The following RBFOX1 variants were observed in gnomAD, a reference collection of about 807,000 sequenced individuals.
RBFOX1 encodes RNA binding protein fox-1 homolog 1.
A neutral mutation model predicts 57.7 loss-of-function variants in RBFOX1; 8 were observed. The ratio of observed to expected loss-of-function variants is 0.14; its 90% CI spans 0.08 to 0.25. RBFOX1 has a LOEUF of 0.25. Ranked by LOEUF, RBFOX1 falls within the 10% of genes least tolerant of loss-of-function variation. The pLI is 1.00. For synonymous variants in RBFOX1, 326 were observed against 222.4 expected, an observed-to-expected ratio of 1.47 and a Z score of -4.15; for missense variants, 611 against 548.5, an observed-to-expected ratio of 1.11 and a Z score of -1.14.
intron 4 of RBFOX1, among the ~76,000 whole-genome samples, chr16:7,068,430 A>C (rs199968860): frequency 6.6e-6 from 1 of 152,302 alleles, no homozygotes; most frequent in Non-Finnish European, 1.5e-5. Context: ...CAGGGTGGCC[A>C]TTGGCCCAGG....
chr16:5,879,950 C>T (rs1302907748), intron 4 of RBFOX1, among the ~76,000 whole-genome samples: 2 of 152,194 alleles, frequency 1.3e-5, no homozygotes, highest in East Asian at 1.9e-4. Context: ...CCAGCTAGAA[C>T]GTATCTCAGG....
intron 3 of RBFOX1, among the ~76,000 whole-genome samples, chr16:6,773,648 G>T (rs1241912459): frequency 8.2e-6 from 1 of 122,498 alleles, no homozygotes; most frequent in Non-Finnish European, 1.7e-5. Flanking sequence ...GTATGTGTGG[G>T]TGTGGGGTCT....
intron 4 of RBFOX1, among the ~76,000 whole-genome samples, chr16:7,359,809 C>A (rs879501533): frequency 1.1e-4 from 16 of 151,990 alleles, no homozygotes; most frequent in Admixed American, 2.6e-4. Flanking sequence ...ATGGTGAAAC[C>A]CCGTCTCTAC....
chr16:6,575,917 G>T (rs1412983914), intron 2 of RBFOX1, among the ~76,000 whole-genome samples: 2 of 150,980 alleles, frequency 1.3e-5, no homozygotes, highest in Non-Finnish European at 2.9e-5. Flanking sequence ...AAACATGCAA[G>T]ATAATTTAGC....
intron 3 of RBFOX1, among the ~76,000 whole-genome samples, chr16:6,951,059 C>G (rs919995009): frequency 2.6e-5 from 4 of 152,080 alleles, no homozygotes; most frequent in Non-Finnish European, 5.9e-5. Context: ...GCACGTATCA[C>G]CATGCCCAGC....
chr16:6,056,300 C>G (rs894272375), intron 1 of RBFOX1, among the ~76,000 whole-genome samples: 1 of 152,148 alleles, frequency 6.6e-6, no homozygotes, highest in African/African-American at 2.4e-5. Flanking sequence ...ACGATATTGT[C>G]TTTCAAGTGA....
intron 4 of RBFOX1, among the ~76,000 whole-genome samples, chr16:6,013,856 G>A (rs978180149): frequency 1.3e-5 from 2 of 150,468 alleles, no homozygotes; most frequent in African/African-American, 4.9e-5. Flanking sequence ...GCAAACTATG[G>A]CAAGGAAAAA....
chr16:6,864,995 C>CTTTTTTTTTTTT (rs34341448), intron 3 of RBFOX1, among the ~76,000 whole-genome samples: 1 of 82,562 alleles, frequency 1.2e-5, no homozygotes, highest in Non-Finnish European at 2.1e-5. Flanking sequence ...TTTTCTTTTT[C>CTTTTTTTTTTTT]TTTTTTTTTT....
intron 13 of RBFOX1, among the ~76,000 whole-genome samples, chr16:7,670,740 T>C (rs541949878): frequency 2.0e-5 from 3 of 152,254 alleles, no homozygotes; most frequent in Middle Eastern, 3.4e-3. Context: ...ATAGGGTACG[T>C]CCCTCAGTCT....
At chr16:7,438,874 G>A (rs1262613580) in intron 4 of RBFOX1, among the ~76,000 whole-genome samples, 2 of 152,122 alleles carry the variant, frequency 1.3e-5, no homozygotes, top group African/African-American at 4.8e-5. Flanking sequence ...GTCAATGGCT[G>A]AGTGATCTAT....
chr16:5,741,063 A>T lies in RBFOX1; in HGVS notation c.319-126240A>T, dbSNP rs533373130. Among the ~76,000 whole-genome samples, 4 of 152,330 alleles carry T rather than the reference A, an allele frequency of 2.6e-5. No individual in the cohort carries two copies. The East Asian group carries it at 5.8e-4, about 22-fold the overall frequency. On this transcript the variant is annotated intron_variant, in intron 3 of 19. Coordinates refer to the RBFOX1 transcript ENST00000641259. ...ATCACCTCTGTTTTGTAGATGGGGA[A>T]ATTGAGACCAGGAAGGGTGGAGTCA...
intron 3 of RBFOX1, among the ~76,000 whole-genome samples, chr16:7,009,432 A>G (rs2093539721): frequency 6.6e-6 from 1 of 151,870 alleles, no homozygotes; most frequent in Non-Finnish European, 1.5e-5. Flanking sequence ...CTTGCAAGAA[A>G]CCCTGCAGAT....
chr16:6,038,640 A>G (rs1239417629), intron 1 of RBFOX1: 1 of 146,854 alleles, frequency 6.8e-6, no homozygotes, highest in Non-Finnish European at 1.5e-5. Flanking sequence ...TATGTGTATG[A>G]ATGAAGCACT....
chr16:5,359,505 T>C (rs760326503), intron 1 of RBFOX1, among the ~76,000 whole-genome samples: 6 of 152,218 alleles, frequency 3.9e-5, no homozygotes, highest in African/African-American at 7.2e-5. Context: ...TAAAAGTGAT[T>C]TTAACTGGGG....
At chr16:5,415,344 T>A (rs2067133676) in intron 1 of RBFOX1, among the ~76,000 whole-genome samples, 1 of 152,100 alleles carries the variant, frequency 6.6e-6, no homozygotes, top group South Asian at 2.1e-4. Flanking sequence ...TCCCTTGCTA[T>A]CACGAGAACA....
At chr16:5,693,009 C>A (rs1376432420) in intron 3 of RBFOX1, among the ~76,000 whole-genome samples, 2 of 152,170 alleles carry the variant, frequency 1.3e-5, no homozygotes, top group African/African-American at 4.8e-5. Flanking sequence ...TCCAGCTTCC[C>A]CCCAGCTCTG....
chr16:5,615,141 A>C (rs1004659463), intron 3 of RBFOX1, among the ~76,000 whole-genome samples: 1 of 152,084 alleles, frequency 6.6e-6, no homozygotes, highest in Non-Finnish European at 1.5e-5. Context: ...CTTAAGTGAT[A>C]TTTCCATCCC....
chr16:7,508,329 A>G (rs1463646920), intron 4 of RBFOX1, among the ~76,000 whole-genome samples: 1 of 152,108 alleles, frequency 6.6e-6, no homozygotes, highest in African/African-American at 2.4e-5. Flanking sequence ...ATTCCCTAGG[A>G]CATTAATGCT....
At position 6,724,250 on chromosome 16, in the gene RBFOX1, C is replaced by G. The variant is rs1287413741; in HGVS notation, c.-16+69600C>G. Among the ~76,000 whole-genome samples the G allele has an allele frequency of 2.0e-5, 3 of 147,412 alleles. No homozygotes were observed. The East Asian group carries it at 6.0e-4, about 29-fold the overall frequency. On this transcript the variant is annotated intron_variant, in intron 3 of 15. Transcript: ENST00000550418. ...TTGAGTTGGAGTTTCACTCTTGTCA[C>G]CCATGCTGGTGTGCAGTGGTGCAAT...
Sources: allele counts gnomAD v4.1 joint callset (sites outside exome capture counted in the v4.1 genomes callset), GRCh38; gene constraint gnomAD v4.1.1; transcripts MANE v1.5; gene names NCBI Gene and HGNC (gene_info 2026-07-23, HGNC 2026-07-21).